The following BRINP1 variants were observed in gnomAD, a reference collection of about 807,000 sequenced individuals.
BRINP1 encodes BMP/retinoic acid-inducible neural-specific protein 1.
A neutral mutation model predicts 72.9 loss-of-function variants in BRINP1; 17 were observed. The ratio of observed to expected loss-of-function variants is 0.23; its 90% confidence interval spans 0.16 to 0.35. The LOEUF is 0.35. Ranked by LOEUF, BRINP1 falls within the 10% of genes least tolerant of loss-of-function variation. The pLI is 1.00. For synonymous variants in BRINP1, 418 were observed against 378.5 expected (o/e 1.10, Z -1.21); for missense variants, 850 against 1,001.6 (o/e 0.85, Z 2.04).
intron 1 of BRINP1, among the ~76,000 whole-genome samples, chr9:119,366,125 T>TA (rs1390443098): frequency 1.3e-5 from 2 of 152,074 alleles, no homozygotes; most frequent in Non-Finnish European, 2.9e-5. Flanking sequence ...GTGGAGGTTC[T>TA]CTTTTTTGGA....
intron 5 of BRINP1, among the ~76,000 whole-genome samples, chr9:119,221,966 G>A (rs1319323477): frequency 6.6e-6 from 1 of 152,146 alleles, no homozygotes; most frequent in African/African-American, 2.4e-5. Flanking sequence ...CCCACATTCA[G>A]TGCTCCTTCT....
At chr9:119,283,673 C>T (rs1588190720) in intron 2 of BRINP1, among the ~76,000 whole-genome samples, 1 of 152,182 alleles carries the variant, frequency 6.6e-6, no homozygotes, top group Non-Finnish European at 1.5e-5. Context: ...GCTGGGATTA[C>T]AGGCGTGGGC....
Position 119,177,998 on chromosome 9 carries a change from GGA to G in BRINP1, c.1146-9776_1146-9775del, listed in dbSNP as rs140463669. Reference sequence around the variant, plus strand: ...AGGAAAGAAAACAGAGGGGAAAGGTGGAGAGTGGGGAAGGGTGATAAGTGGAG... The same window carrying G: ...AGGAAAGAAAACAGAGGGGAAAGGTGGAGTGGGGAAGGGTGATAAGTGGAG... On this transcript the variant is annotated intron_variant, in intron 7 of 7. Coordinates refer to ENST00000265922, the MANE Select transcript of BRINP1 (RefSeq NM_014618.3). Among the ~76,000 whole-genome samples the G allele has an allele frequency of 5.0e-3, 759 of 152,252 alleles. 8 individuals carry two copies. The highest frequency in any genetic ancestry group is 0.017 in the African/African-American group (719 of 41,530).
chr9:119,298,991 T>C (rs181621407), intron 2 of BRINP1, among the ~76,000 whole-genome samples: 3 of 152,292 alleles, frequency 2.0e-5, no homozygotes, highest in East Asian at 3.9e-4. Flanking sequence ...ATCTGATGTT[T>C]TGATGTATGT....
At chr9:119,202,849 T>A (rs1338038951) in intron 7 of BRINP1, among the ~76,000 whole-genome samples, 1 of 151,914 alleles carries the variant, frequency 6.6e-6, no homozygotes, top group Non-Finnish European at 1.5e-5. Context: ...GGCGCTGGAG[T>A]GGAATGAATC....
chr9:119,243,523 T>C (rs1249809180), intron 3 of BRINP1, among the ~76,000 whole-genome samples: 2 of 152,228 alleles, frequency 1.3e-5, no homozygotes, highest in Non-Finnish European at 2.9e-5. Context: ...TATGTGTGCA[T>C]GTATCTTTGT....
intron 5 of BRINP1, among the ~76,000 whole-genome samples, 173 bp downstream of exon 5, chr9:119,238,482 A>G (rs1433335275): frequency 6.6e-6 from 1 of 152,168 alleles, no homozygotes; most frequent in Non-Finnish European, 1.5e-5. Flanking sequence ...CTAAATATAT[A>G]TGTATACACG....
intron 2 of BRINP1, among the ~76,000 whole-genome samples, chr9:119,291,341 C>A (rs1830820465): frequency 6.6e-6 from 1 of 152,188 alleles, no homozygotes; most frequent in African/African-American, 2.4e-5. Flanking sequence ...GACAAGGTCA[C>A]TGAAGCCAAT....
At chr9:119,332,249 C>T (rs991205555) in intron 1 of BRINP1, among the ~76,000 whole-genome samples, 1 of 152,080 alleles carries the variant, frequency 6.6e-6, no homozygotes, top group Admixed American at 6.6e-5. Context: ...TTCTAGCTAC[C>T]ATTTTTAGTC....
intron 1 of BRINP1, among the ~76,000 whole-genome samples, chr9:119,355,728 C>CA (rs1176143696): frequency 0.26 from 28,265 of 107,690 alleles, 3,441 homozygotes; most frequent in African/African-American, 0.37. Flanking sequence ...GACTCCGTCT[C>CA]AAAAAAAAAA....
Position 119,248,967 on chromosome 9 carries a change from T to C in BRINP1, c.402A>G (p.Thr134=). Residue 134 remains threonine, a synonymous_variant, in exon 3 of 8, where the codon ACA becomes ACG. Coordinates refer to ENST00000265922, the MANE Select transcript of BRINP1 (RefSeq NM_014618.3). ...KYGTHLLISA[T]LGGEEALTMY... ...CAGTGGCTGCTGACCTACCTCCCAA[T>C]GTGGCTGAGATGAGCAGGTGGGTGC... is the stretch of plus-strand genomic sequence containing the variant. 2 of 1,611,490 alleles carry C rather than the reference T, an allele frequency of 1.2e-6. No homozygotes were observed. Among genetic ancestry groups the C allele is most frequent in the Non-Finnish European group, 1.7e-6 (2 of 1,178,046 alleles).
At chr9:119,317,946 C>T (rs1831142471) in intron 1 of BRINP1, among the ~76,000 whole-genome samples, 1 of 152,158 alleles carries the variant, frequency 6.6e-6, no homozygotes, top group African/African-American at 2.4e-5. Flanking sequence ...CTACAGGATA[C>T]TGTAAACATA....
chr9:119,328,149 G>A (rs938830137), intron 1 of BRINP1, among the ~76,000 whole-genome samples: 2 of 152,118 alleles, frequency 1.3e-5, no homozygotes, highest in South Asian at 2.1e-4. Context: ...AGAGAATAAT[G>A]GCAACAAAGC....
intron 1 of BRINP1, among the ~76,000 whole-genome samples, chr9:119,362,576 C>A (rs934217914): frequency 6.6e-6 from 1 of 152,194 alleles, no homozygotes; most frequent in African/African-American, 2.4e-5. Flanking sequence ...AGCCTTTCCA[C>A]GACAAGATAT....
At chr9:119,353,153 TTTC>T (rs1831522430) in intron 1 of BRINP1, among the ~76,000 whole-genome samples, 1 of 152,224 alleles carries the variant, frequency 6.6e-6, no homozygotes, top group Admixed American at 6.5e-5. Context: ...GCCTCAGCTA[TTTC>T]TTTTCCTTTT....
At chr9:119,205,397 G>T (rs934796419) in intron 7 of BRINP1, among the ~76,000 whole-genome samples, 2 of 152,156 alleles carry the variant, frequency 1.3e-5, no homozygotes, top group African/African-American at 4.8e-5. Context: ...TAGTAGGAGA[G>T]ACGGCAACAC....
chr9:119,251,687 T>C (rs1830390010), intron 2 of BRINP1, among the ~76,000 whole-genome samples: 1 of 64,136 alleles, frequency 1.6e-5, no homozygotes, highest in Admixed American at 1.3e-4. Flanking sequence ...AAGGGCAGAA[T>C]AAAATAGGGG....
At chr9:119,335,872 T>C (rs1292519766) in intron 1 of BRINP1, among the ~76,000 whole-genome samples, 1 of 152,198 alleles carries the variant, frequency 6.6e-6, no homozygotes, top group Non-Finnish European at 1.5e-5. Flanking sequence ...CCTCACAACA[T>C]GGTTTGATGT....
chr9:119,287,997 A>G (rs1830783793), intron 2 of BRINP1, among the ~76,000 whole-genome samples: 5 of 152,210 alleles, frequency 3.3e-5, no homozygotes, highest in African/African-American at 1.2e-4. Flanking sequence ...AAAAGTTAAA[A>G]AAAAAGAAAA....
Sources: allele counts gnomAD v4.1 joint callset (sites outside exome capture counted in the v4.1 genomes callset), GRCh38; gene constraint gnomAD v4.1.1; transcripts MANE v1.5; gene names NCBI Gene and HGNC (gene_info 2026-07-23, HGNC 2026-07-21).